VPS33B: variants seen among roughly 807,000 people sequenced by gnomAD.
VPS33B encodes VPS33B late endosome and lysosome associated.
VPS33B carries 80 observed loss-of-function variants against 95.3 expected under a neutral mutation model. The observed-to-expected ratio is 0.84, with a 90% CI of 0.70 to 1.01. The LOEUF (loss-of-function observed/expected upper bound fraction) is 1.01. VPS33B is among the 50% of genes least tolerant of loss of function. The pLI is 0.00. For synonymous variants in VPS33B, 280 were observed against 280.4 expected, an observed-to-expected ratio of 1.00 and a Z score of 0.01; for missense variants, 715 against 773.4, an observed-to-expected ratio of 0.92 and a Z score of 0.90.
chr15:91,020,576 G>A (rs1041465762), intron 1 of VPS33B, among the ~76,000 whole-genome samples: 3 of 152,066 alleles, frequency 2.0e-5, no homozygotes, highest in Admixed American at 2.0e-4. Context: ...CACTGTGCAA[G>A]CACTAAGTAT....
At position 91,005,188 on chromosome 15, in the gene VPS33B, G is replaced by A; in HGVS notation, c.1106-69C>T. The A allele has an allele frequency of 6.2e-7, 1 of 1,613,540 alleles. No homozygotes were observed. ...GCTGCTGCCATCTATGCTAACAGGT[G>A]TCTGTCTCCCCATCTCTTTCTCCAT... On this transcript the variant is annotated intron_variant, in intron 14 of 22. Coordinates refer to ENST00000333371, the MANE Select transcript of VPS33B (RefSeq NM_018668.5). The surrounding 1 kb of genome is among the most constrained non-coding windows in gnomAD (Gnocchi z 6.4).
chr15:91,005,588 A>G lies in VPS33B; in HGVS notation c.1030+106T>C. On this transcript the variant is annotated intron_variant, in intron 13 of 22. Coordinates refer to ENST00000333371, the MANE Select transcript of VPS33B (RefSeq NM_018668.5). This position sits in a 1 kb window ranked among gnomAD's most constrained non-coding sequence, Gnocchi z 6.4. ...CCCACTTTACACCAAGTAAGACCAT[A>G]TGCATCAGATGAACAGGGATCTCCT... is the stretch of plus-strand genomic sequence containing the variant. 1 of 1,568,054 alleles carries G rather than the reference A, an allele frequency of 6.4e-7. No homozygotes were observed. The highest frequency in any genetic ancestry group is 1.1e-5 in the South Asian group (1 of 90,116).
Position 91,005,947 on chromosome 15 carries a change from C to G in VPS33B, c.939+26G>C, listed in dbSNP as rs781141284. 2 of 1,613,420 alleles carry G rather than the reference C, an allele frequency of 1.2e-6. No homozygotes were observed. The highest frequency in any genetic ancestry group is 1.3e-5 in the African/African-American group (1 of 74,918). ...TTGGGAAGCCACTGAGGCAACAAAA[C>G]AGAGGAGCAGGGCTTGGAGCCTCAC... is the stretch of plus-strand genomic sequence containing the variant. On this transcript the variant is annotated intron_variant, in intron 12 of 22. Coordinates refer to ENST00000333371, the MANE Select transcript of VPS33B (RefSeq NM_018668.5). The surrounding 1 kb of genome is among the most constrained non-coding windows in gnomAD (Gnocchi z 6.4).
At chr15:91,008,863 G>A (rs886580410) in intron 6 of VPS33B, among the ~76,000 whole-genome samples, 11 of 152,084 alleles carry the variant, frequency 7.2e-5, no homozygotes, top group African/African-American at 2.7e-4. Flanking sequence ...GGTAAGACTC[G>A]GGAAGGCAAA....
chr15:91,017,900 A>G lies in VPS33B; in HGVS notation c.97-15T>C. On this transcript the variant is annotated splice_polypyrimidine_tract_variant and intron_variant, in intron 1 of 22. Coordinates refer to ENST00000333371, the MANE Select transcript of VPS33B (RefSeq NM_018668.5). ...TTTCCAGGAAGCTGAAGGAGACACA[A>G]TATGTTGGGTCACTCACAGGTCACA... The G allele has an allele frequency of 3.7e-6, 6 of 1,613,762 alleles. No individual in the cohort carries two copies. Among genetic ancestry groups the G allele is most frequent in the South Asian group, 1.1e-5 (1 of 91,076 alleles).
chr15:91,017,382 A>C (rs1486758496), intron 2 of VPS33B, among the ~76,000 whole-genome samples: 3 of 77,726 alleles, frequency 3.9e-5, no homozygotes, highest in Non-Finnish European at 8.2e-5. Context: ...ATATATATAT[A>C]TATATATATA....
In VPS33B at chr15:91,005,417, G is replaced by A. The variant is rs1169418682; in HGVS notation, c.1068C>T (p.Thr356=). 6.2e-7 allele frequency: 1 copy of A among 1,614,098 alleles called. No homozygotes were observed. Among genetic ancestry groups the A allele is most frequent in the Non-Finnish European group, 8.5e-7 (1 of 1,180,032 alleles). ...GACESIMKKK[T]KQDFQELIKT... Reference sequence around the variant, plus strand: ...TGATTAGCTCCTGGAAATCCTGCTTGGTTTTCTTCTTCATGATGGATTCAC... The same window carrying A: ...TGATTAGCTCCTGGAAATCCTGCTTAGTTTTCTTCTTCATGATGGATTCAC... The change falls in exon 14 of 23, where the codon ACC becomes ACT. Residue 356 remains threonine, a synonymous_variant. Transcript: ENST00000333371. This position sits in a 1 kb window ranked among gnomAD's most constrained non-coding sequence, Gnocchi z 6.4.
chr15:90,998,864 G>T lies in VPS33B; in HGVS notation c.*111C>A. 8.9e-7 allele frequency: 1 copy of T among 1,124,976 alleles called. No homozygotes were observed. The highest frequency in any genetic ancestry group is 1.3e-6 in the Non-Finnish European group (1 of 752,520). 69.7% of individuals were successfully genotyped at this position (1,124,976 alleles called of 1,614,324 possible). On this transcript the variant is annotated 3_prime_UTR_variant, in exon 23 of 23. Coordinates refer to ENST00000333371, the MANE Select transcript of VPS33B (RefSeq NM_018668.5). The surrounding 1 kb of genome is among the most constrained non-coding windows in gnomAD (Gnocchi z 4.8). Reference sequence around the variant, plus strand: ...AATCCCAACACGTTCCATGCTCCCGGCTCTTAGCAGGTAGTTGGTGGACAC... The same window carrying T: ...AATCCCAACACGTTCCATGCTCCCGTCTCTTAGCAGGTAGTTGGTGGACAC...
At chr15:91,017,943 G>A in intron 1 of VPS33B, 58 bp from the exon 2 acceptor site, 1 of 1,553,546 alleles carries the variant, frequency 6.4e-7, no homozygotes, top group Admixed American at 1.7e-5. Context: ...CCGCAGCTGA[G>A]AAGTGGCCCA....
Position 91,013,685 on chromosome 15 carries a change from TTC to T in VPS33B, c.357+117_357+118del. ...ATTATAAATTACCTAGTCTCAGGTA[TTC>T]TGTTACAGCAACAGAAAACGAACGG... On this transcript the variant is annotated intron_variant, in intron 5 of 22. Coordinates refer to ENST00000333371, the MANE Select transcript of VPS33B (RefSeq NM_018668.5). The surrounding 1 kb of genome is among the most constrained non-coding windows in gnomAD (Gnocchi z 4.5). 1 of 1,030,476 alleles carries T rather than the reference TTC, an allele frequency of 9.7e-7. No homozygotes were observed. Among genetic ancestry groups the T allele is most frequent in the East Asian group, 2.4e-5 (1 of 41,768 alleles). 63.8% of individuals were successfully genotyped at this position (1,030,476 alleles called of 1,614,324 possible).
rs567924147 is a variant in VPS33B at position 90,998,761 on chromosome 15, T to C, written c.*214A>G. Reference sequence around the variant, plus strand: ...TCTTCCTGCTCGCATCTTAGCAGCATGGGTTGTACTTCATAAACAGAAAAG... The same window carrying C: ...TCTTCCTGCTCGCATCTTAGCAGCACGGGTTGTACTTCATAAACAGAAAAG... On this transcript the variant is annotated 3_prime_UTR_variant, in exon 23 of 23. Transcript: ENST00000333371. The surrounding 1 kb of genome is among the most constrained non-coding windows in gnomAD (Gnocchi z 4.8). The C allele has an allele frequency of 9.2e-5, 59 of 638,014 alleles. No homozygotes were observed. Among genetic ancestry groups the C allele is most frequent in the South Asian group, 5.7e-4 (32 of 56,236 alleles). 39.5% of individuals were successfully genotyped at this position (638,014 alleles called of 1,614,324 possible). A position where few individuals can be genotyped will look rare whatever the true frequency, so the allele number is the denominator to read the frequency against.
At chr15:91,016,189 G>C (rs1596368838) in intron 3 of VPS33B, among the ~76,000 whole-genome samples, 1 of 152,224 alleles carries the variant, frequency 6.6e-6, no homozygotes, top group East Asian at 1.9e-4. Flanking sequence ...AGCGAATGGA[G>C]TGATGAAAAG....
In VPS33B at chr15:91,015,090, C is replaced by T. The variant is rs549415384; in HGVS notation, c.240-657G>A. On this transcript the variant is annotated intron_variant, in intron 3 of 22. Transcript: ENST00000333371. This position sits in a 1 kb window ranked among gnomAD's most constrained non-coding sequence, Gnocchi z 4.7. ...GTGGCTCACACCTGTAATCCCAGCACTTTGGGAGGCAGAGGCGGGTGGATC... is the reference window on the plus strand; with the variant it reads ...GTGGCTCACACCTGTAATCCCAGCATTTTGGGAGGCAGAGGCGGGTGGATC... 2.2e-3 allele frequency among the ~76,000 whole-genome samples: 321 copies of T among 148,430 alleles called. 2 individuals carry two copies. The highest frequency in any genetic ancestry group is 6.7e-3 in the African/African-American group (267 of 40,066).
rs758354494 is a variant in VPS33B, at chr15:91,006,573, C to G, written c.778+79G>C. On this transcript the variant is annotated intron_variant, in intron 10 of 22. Coordinates refer to ENST00000333371, the MANE Select transcript of VPS33B (RefSeq NM_018668.5). This position sits in a 1 kb window ranked among gnomAD's most constrained non-coding sequence, Gnocchi z 5.4. ...TCATTCAGGGTCTGGGTCTCTCCCACAAACCCTGCCCCACGTGGGAGGTGC... is the reference window on the plus strand; with the variant it reads ...TCATTCAGGGTCTGGGTCTCTCCCAGAAACCCTGCCCCACGTGGGAGGTGC... The G allele has an allele frequency of 7.1e-5, 115 of 1,610,366 alleles. No individual in the cohort carries two copies. The highest frequency in any genetic ancestry group is 9.3e-5 in the Non-Finnish European group (109 of 1,176,684).
Position 91,009,453 on chromosome 15 carries a change from T to C in VPS33B, c.403+348A>G, listed in dbSNP as rs1451133370. 1.3e-5 allele frequency among the ~76,000 whole-genome samples: 2 copies of C among 151,982 alleles called. No homozygotes were observed. The highest frequency in any genetic ancestry group is 2.9e-5 in the Non-Finnish European group (2 of 68,002). On this transcript the variant is annotated intron_variant, in intron 6 of 22. Coordinates refer to ENST00000333371, the MANE Select transcript of VPS33B (RefSeq NM_018668.5). This position sits in a 1 kb window ranked among gnomAD's most constrained non-coding sequence, Gnocchi z 4.1. ...TCCCGAGTAGCTGGGATTACAAGCG[T>C]GCGCCATCACGCCCAGCTAATTATT...
At chr15:91,008,014 C>T (rs751371400) in intron 6 of VPS33B, 50 bp from the exon 7 acceptor site, 41 of 1,569,590 alleles carry the variant, frequency 2.6e-5, no homozygotes, top group Non-Finnish European at 3.1e-5. Flanking sequence ...CTTAGCTCCA[C>T]GTTAAGAGGG....
intron 3 of VPS33B, 111 bp from the exon 4 acceptor site, chr15:91,014,544 A>T: frequency 8.4e-7 from 1 of 1,196,034 alleles, no homozygotes. Flanking sequence ...TACAGGTCTC[A>T]TCCTAGCCAA....
rs2040621466 is a variant in VPS33B, at chr15:91,006,828, C to T, written c.701-99G>A. The T allele has an allele frequency of 1.1e-5, 17 of 1,583,892 alleles. No homozygotes were observed. Among genetic ancestry groups the T allele is most frequent in the Non-Finnish European group, 1.4e-5 (16 of 1,153,108 alleles). ...TGATACTTTCCATAGGGCCAAGGAC[C>T]CACGCTCCTCAAAGCTGGGATTCAC... On this transcript the variant is annotated intron_variant, in intron 9 of 22. Transcript: ENST00000333371. This position sits in a 1 kb window ranked among gnomAD's most constrained non-coding sequence, Gnocchi z 5.4.
In VPS33B at chr15:91,006,677, T is replaced by C; in HGVS notation, c.753A>G (p.Val251=). 6.2e-7 allele frequency: 1 copy of C among 1,614,216 alleles called. No homozygotes were observed. Among genetic ancestry groups the C allele is most frequent in the Non-Finnish European group, 8.5e-7 (1 of 1,180,038 alleles). The change falls in exon 10 of 23, where the codon GTA becomes GTG. Residue 251 remains valine (V), a synonymous_variant. Transcript: ENST00000333371. This position sits in a 1 kb window ranked among gnomAD's most constrained non-coding sequence, Gnocchi z 5.4. ...LCSQVVYEGL[V]DDTFRIKCGS... ...CACACTTGATGCGGAAGGTGTCATC[T>C]ACTAGGCCCTCATAAACCACTTGGG... is the stretch of plus-strand genomic sequence containing the variant.
Sources: gnomAD v4.1 joint callset for allele counts (sites outside exome capture counted in the v4.1 genomes callset) on GRCh38, gnomAD v4.1.1 for gene constraint, Gnocchi (gnomAD v3.1) non-coding constraint, MANE v1.5 for transcripts, NCBI Gene and HGNC (gene_info 2026-07-23, HGNC 2026-07-21) for gene names.